CYP7B1: variants seen among roughly 807,000 people sequenced by gnomAD.
CYP7B1 encodes cytochrome P450 7B1.
A neutral mutation model predicts 42.7 loss-of-function variants in CYP7B1; 29 were observed. The observed-to-expected ratio is 0.68, with a 90% CI of 0.51 to 0.93. The LOEUF (loss-of-function observed/expected upper bound fraction) is 0.93. Among genes scored for constraint, CYP7B1 ranks in the 40% least tolerant of loss-of-function variants. The pLI is 0.00. For synonymous variants in CYP7B1, 235 were observed against 218.2 expected (o/e 1.08, Z -0.68); for missense variants, 655 against 600.5 (o/e 1.09, Z -0.95).
intron 1 of CYP7B1, among the ~76,000 whole-genome samples, chr8:64,798,015 G>A (rs1188894639): frequency 6.6e-6 from 1 of 152,210 alleles, no homozygotes; most frequent in Non-Finnish European, 1.5e-5. Flanking sequence ...GGTACAGTGA[G>A]GTAAACTGAG....
chr8:64,675,739 C>T (rs144945147), intron 1 of CYP7B1, among the ~76,000 whole-genome samples: 243 of 152,156 alleles, frequency 1.6e-3, no homozygotes, highest in African/African-American at 5.8e-3. Context: ...GAACTGGGAG[C>T]GTGGTTGTTT....
At chr8:64,746,689 T>A (rs995463396) in intron 1 of CYP7B1, among the ~76,000 whole-genome samples, 3 of 152,184 alleles carry the variant, frequency 2.0e-5, no homozygotes, top group Non-Finnish European at 2.9e-5. Flanking sequence ...GTAAACGTGT[T>A]ATAATTGTTA....
intron 1 of CYP7B1, among the ~76,000 whole-genome samples, chr8:64,746,894 T>C (rs1807651309): frequency 6.6e-6 from 1 of 151,992 alleles, no homozygotes; most frequent in South Asian, 2.1e-4. Flanking sequence ...AATCTGCATT[T>C]ATAAATCCAT....
rs971719755 is a variant in CYP7B1, at chr8:64,596,030, T to C, written c.*612A>G. The C allele has an allele frequency of 1.1e-4, 17 of 161,228 alleles. No homozygotes were observed. Among genetic ancestry groups the C allele is most frequent in the African/African-American group, 3.4e-4 (14 of 41,738 alleles). 10.0% of individuals were successfully genotyped at this position (161,228 alleles called of 1,614,324 possible). A position where few individuals can be genotyped will look rare whatever the true frequency, so the allele number is the denominator to read the frequency against. On this transcript the variant is annotated 3_prime_UTR_variant, in exon 6 of 6. Coordinates refer to ENST00000310193, the MANE Select transcript of CYP7B1 (RefSeq NM_004820.5). ...CCAGAAATTTTGTTCTATTGAGCCATAGTATACAAAGTAATAAGGAACATT... is the reference window on the plus strand; with the variant it reads ...CCAGAAATTTTGTTCTATTGAGCCACAGTATACAAAGTAATAAGGAACATT...
At chr8:64,643,498 C>G (rs183128188) in intron 1 of CYP7B1, among the ~76,000 whole-genome samples, 1 of 152,060 alleles carries the variant, frequency 6.6e-6, no homozygotes, top group African/African-American at 2.4e-5. Context: ...GGTCTTGCCT[C>G]GATGTTGATG....
rs555638857 is a variant in CYP7B1 at position 64,779,817 on chromosome 8, A to G, written c.122+18649T>C. Among the ~76,000 whole-genome samples the G allele has an allele frequency of 2.0e-5, 3 of 152,308 alleles. No individual in the cohort carries two copies. In the East Asian group the frequency reaches 5.8e-4, roughly 29 times the overall value. On this transcript the variant is annotated intron_variant, in intron 1 of 5. Coordinates refer to ENST00000310193, the MANE Select transcript of CYP7B1 (RefSeq NM_004820.5). ...GTGTGTAATTCTATGTGATTACCAA[A>G]AACAGGCGCAGCCCTTTCACAAAGG...
intron 1 of CYP7B1, among the ~76,000 whole-genome samples, chr8:64,705,174 AG>A (rs1271705617): frequency 6.6e-6 from 1 of 151,800 alleles, no homozygotes; most frequent in Non-Finnish European, 1.5e-5. Context: ...CTGATATGTT[AG>A]GGCGGTAAAA....
chr8:64,588,506 A>T (rs1377611435), downstream of CYP7B1, among the ~76,000 whole-genome samples: 3 of 152,236 alleles, frequency 2.0e-5, no homozygotes, highest in Non-Finnish European at 4.4e-5. Context: ...TTTAGAGATG[A>T]GAATTTAAAT....
intron 1 of CYP7B1, among the ~76,000 whole-genome samples, chr8:64,708,003 T>C (rs183904291): frequency 2.1e-4 from 32 of 152,246 alleles, no homozygotes; most frequent in Admixed American, 3.9e-4. Flanking sequence ...GTTGTATCTT[T>C]TGCAATATCA....
intron 1 of CYP7B1, among the ~76,000 whole-genome samples, chr8:64,651,110 T>C (rs1275059453): frequency 6.6e-6 from 1 of 152,208 alleles, no homozygotes; most frequent in Non-Finnish European, 1.5e-5. Context: ...GGAAAAATAC[T>C]ACTTGGAGAA....
Position 64,798,682 on chromosome 8 carries a change from G to A in CYP7B1, c.-95C>T. ...GCCTGCGGCGGCTTCTCTCGGCGGC[G>A]CCCCCTAGTCCAGGGCCGGAGAGGC... On this transcript the variant is annotated 5_prime_UTR_variant, in exon 1 of 6. Coordinates refer to ENST00000310193, the MANE Select transcript of CYP7B1 (RefSeq NM_004820.5). 2.2e-6 allele frequency: 3 copies of A among 1,351,298 alleles called. No individual in the cohort carries two copies. Among genetic ancestry groups the A allele is most frequent in the African/African-American group, 1.5e-5 (1 of 64,576 alleles). 83.7% of individuals were successfully genotyped at this position (1,351,298 alleles called of 1,614,324 possible).
Position 64,595,827 on chromosome 8 carries a change from G to C in CYP7B1, c.*815C>G, listed in dbSNP as rs902752250. ...GTTAATTGCAATATTTGCATAACCT[G>C]TATAGTTTATACTAAAGCCAAATGA... On this transcript the variant is annotated 3_prime_UTR_variant, in exon 6 of 6. Coordinates refer to ENST00000310193, the MANE Select transcript of CYP7B1 (RefSeq NM_004820.5). Among the ~76,000 whole-genome samples the C allele has an allele frequency of 4.6e-5, 7 of 152,150 alleles. No individual in the cohort carries two copies. The highest frequency in any genetic ancestry group is 8.8e-5 in the Non-Finnish European group (6 of 68,032).
intron 1 of CYP7B1, among the ~76,000 whole-genome samples, chr8:64,778,830 C>A (rs1161558299): frequency 1.3e-5 from 2 of 152,062 alleles, no homozygotes; most frequent in African/African-American, 4.8e-5. Context: ...TGACATAGGG[C>A]AGTCTAGGCA....
chr8:64,703,549 G>GA (rs1379094831), intron 1 of CYP7B1, among the ~76,000 whole-genome samples: 1 of 151,932 alleles, frequency 6.6e-6, no homozygotes, highest in Non-Finnish European at 1.5e-5. Context: ...TGAAACATTA[G>GA]AAATCCTCAC....
downstream of CYP7B1, among the ~76,000 whole-genome samples, chr8:64,588,408 C>T (rs886392227): frequency 9.9e-5 from 15 of 152,064 alleles, no homozygotes; most frequent in Non-Finnish European, 1.8e-4. Context: ...TTAAAGGATC[C>T]GTTATTTACA....
At chr8:64,635,299 T>A (rs1167888746) in intron 1 of CYP7B1, among the ~76,000 whole-genome samples, 1 of 152,244 alleles carries the variant, frequency 6.6e-6, no homozygotes, top group Non-Finnish European at 1.5e-5. Context: ...CTTCATTTTT[T>A]CCCCAGTCCT....
chr8:64,713,145 G>T (rs541683717), intron 1 of CYP7B1, among the ~76,000 whole-genome samples: 11 of 152,058 alleles, frequency 7.2e-5, no homozygotes, highest in Non-Finnish European at 1.3e-4. Flanking sequence ...AAAAATTGTT[G>T]GTATATGTGT....
intron 1 of CYP7B1, among the ~76,000 whole-genome samples, chr8:64,670,136 C>T (rs1806343177): frequency 6.6e-6 from 1 of 152,184 alleles, no homozygotes; most frequent in South Asian, 2.1e-4. Context: ...TGTGCCGTGC[C>T]CTGTTGCCCT....
chr8:64,769,284 C>CT, intron 1 of CYP7B1, among the ~76,000 whole-genome samples: 1 of 152,184 alleles, frequency 6.6e-6, no homozygotes, highest in Admixed American at 6.5e-5. Flanking sequence ...TGAATCTCTA[C>CT]TTTTTTCTCC....
Sources: gnomAD v4.1 joint callset for allele counts (sites outside exome capture counted in the v4.1 genomes callset) on GRCh38, gnomAD v4.1.1 for gene constraint, MANE v1.5 for transcripts, NCBI Gene and HGNC (gene_info 2026-07-23, HGNC 2026-07-21) for gene names.